Variants in ADTRP observed in about 807,000 individuals in gnomAD.
ADTRP encodes androgen-dependent TFPI-regulating protein.
In ADTRP, 20 loss-of-function variants were observed where a neutral mutation model predicts 27.0. That is an observed-to-expected ratio of 0.74 (90% CI 0.52 to 1.08). The LOEUF (loss-of-function observed/expected upper bound fraction) is 1.08. Among genes scored for constraint, ADTRP ranks in the 50% least tolerant of loss-of-function variants. The pLI is 0.00. For synonymous variants in ADTRP, 101 were observed against 105.2 expected, an observed-to-expected ratio of 0.96 and a Z score of 0.25; for missense variants, 251 against 275.0, an observed-to-expected ratio of 0.91 and a Z score of 0.62.
At chr6:11,750,078 C>G (rs558664820) in intron 3 of ADTRP, among the ~76,000 whole-genome samples, 109 of 152,286 alleles carry the variant, frequency 7.2e-4, no homozygotes, top group Admixed American at 2.2e-3. Flanking sequence ...GAAAATTGCT[C>G]AAGCAGCAGG....
chr6:11,731,822 C>T (rs1762390022), intron 4 of ADTRP, among the ~76,000 whole-genome samples: 1 of 152,162 alleles, frequency 6.6e-6, no homozygotes, highest in South Asian at 2.1e-4. Context: ...CATGGGTCAT[C>T]TCCACTTATT....
rs1483334930 is a variant in ADTRP, at chr6:11,778,726, G to A, written c.34C>T (p.Leu12Phe). 6.8e-6 allele frequency: 11 copies of A among 1,614,094 alleles called. No homozygotes were observed. Among genetic ancestry groups the A allele is most frequent in the Non-Finnish European group, 9.3e-6 (11 of 1,180,044 alleles). Reference sequence around the variant, plus strand: ...AGGAAAGTATACCAGCTCAGAACAAGGAAGTGGTATATGCATGTAGAAGTC... The same window carrying A: ...AGGAAAGTATACCAGCTCAGAACAAAGAAGTGGTATATGCATGTAGAAGTC... ...TKTSTCIYHF[L>F]VLSWYTFLNY... The change falls in exon 1 of 6, where the codon CTT (leucine) becomes TTT (phenylalanine). Residue 12 changes from leucine to phenylalanine, a missense_variant. By Grantham distance (22) the Leu-to-Phe change is conservative. Coordinates refer to ENST00000414691, the MANE Select transcript of ADTRP (RefSeq NM_032744.4).
chr6:11,737,865 C>T (rs1762597578), intron 3 of ADTRP, among the ~76,000 whole-genome samples: 1 of 152,192 alleles, frequency 6.6e-6, no homozygotes, highest in South Asian at 2.1e-4. Flanking sequence ...CCCAGGCCCC[C>T]GTCGCACCTT....
chr6:11,741,203 G>C (rs926638521), intron 3 of ADTRP, among the ~76,000 whole-genome samples: 1 of 152,124 alleles, frequency 6.6e-6, no homozygotes, highest in Non-Finnish European at 1.5e-5. Context: ...CAAGTTATAT[G>C]GCAAGGAGTA....
chr6:11,770,057 T>C (rs1261676332), intron 1 of ADTRP: 2 of 1,551,562 alleles, frequency 1.3e-6, no homozygotes, highest in Non-Finnish European at 1.7e-6. Flanking sequence ...GGCTGGTAGA[T>C]GTCAAACCCA....
At chr6:11,726,465 C>T (rs1231270436) in intron 4 of ADTRP, among the ~76,000 whole-genome samples, 2 of 152,054 alleles carry the variant, frequency 1.3e-5, no homozygotes, top group East Asian at 3.9e-4. Context: ...ATCTAGGGTG[C>T]CCCTCAGGTT....
rs77076856 is a variant in ADTRP, at chr6:11,716,414, T to C, written c.659-1902A>G. On this transcript the variant is annotated intron_variant, in intron 5 of 5. Coordinates refer to ENST00000414691, the MANE Select transcript of ADTRP (RefSeq NM_032744.4). ...GGAGGACAGCAGGTGGTTCCCTCCA[T>C]TGGATTAGAGTCCTCTGTCCAAAAC... 4.7e-3 allele frequency among the ~76,000 whole-genome samples: 721 copies of C among 152,186 alleles called. 3 individuals carry two copies. The highest frequency in any genetic ancestry group is 8.4e-3 in the Non-Finnish European group (572 of 68,006).
chr6:11,758,327 G>A (rs1763278416), intron 3 of ADTRP, among the ~76,000 whole-genome samples: 1 of 152,104 alleles, frequency 6.6e-6, no homozygotes, highest in Non-Finnish European at 1.5e-5. Flanking sequence ...TAATGCTTTG[G>A]CAGTGGAAGC....
intron 5 of ADTRP, among the ~76,000 whole-genome samples, chr6:11,715,868 A>G (rs562476311): frequency 8.4e-6 from 1 of 118,762 alleles, no homozygotes; most frequent in Non-Finnish European, 1.6e-5. Context: ...GGGTCTCACT[A>G]TGTTGCTCAG....
chr6:11,738,156 A>T (rs550785725), intron 3 of ADTRP, among the ~76,000 whole-genome samples: 2 of 152,174 alleles, frequency 1.3e-5, no homozygotes, highest in East Asian at 3.9e-4. Context: ...TATCAGTGTG[A>T]CTGTTGTCTT....
intron 3 of ADTRP, among the ~76,000 whole-genome samples, chr6:11,746,022 C>G (rs1294603016): frequency 6.6e-6 from 1 of 152,170 alleles, no homozygotes; most frequent in African/African-American, 2.4e-5. Context: ...AACTCCTGAC[C>G]TCAAGTGATC....
chr6:11,720,598 C>T lies in ADTRP; in HGVS notation c.658+2751G>A, dbSNP rs534451655. On this transcript the variant is annotated intron_variant, in intron 5 of 5. Coordinates refer to ENST00000414691, the MANE Select transcript of ADTRP (RefSeq NM_032744.4). ...GCCATTCTCCTGCCTCAGCCTCCCG[C>T]GTAGCTGGGACTACAGGCGCCCGCC... is the stretch of plus-strand genomic sequence containing the variant. Among the ~76,000 whole-genome samples the T allele has an allele frequency of 3.9e-5, 6 of 152,058 alleles. No individual in the cohort carries two copies. In the South Asian group the frequency reaches 6.2e-4, roughly 16 times the overall value.
chr6:11,741,731 A>ACC (rs1276762825), intron 3 of ADTRP, among the ~76,000 whole-genome samples: 2,117 of 151,586 alleles, frequency 0.014, 59 homozygotes, highest in African/African-American at 0.048. Flanking sequence ...TAAAAAAAAA[A>ACC]GATATGGGAT....
At chr6:11,741,909 C>G (rs1348809222) in intron 3 of ADTRP, among the ~76,000 whole-genome samples, 1 of 152,056 alleles carries the variant, frequency 6.6e-6, no homozygotes, top group African/African-American at 2.4e-5. Flanking sequence ...TCCTTTACTC[C>G]TCACACTCAA....
At chr6:11,770,300 A>T (rs1488474086) in intron 1 of ADTRP, among the ~76,000 whole-genome samples, 2 of 152,102 alleles carry the variant, frequency 1.3e-5, no homozygotes. Flanking sequence ...CTCCCAGGTG[A>T]TTCTAATCAC....
In ADTRP at chr6:11,734,326, T is replaced by C. The variant is rs560679734; in HGVS notation, c.506+1242A>G. On this transcript the variant is annotated intron_variant, in intron 4 of 5. Coordinates refer to ENST00000414691, the MANE Select transcript of ADTRP (RefSeq NM_032744.4). ...CATTGCCAAATAATCACACAACTTT[T>C]TCTTGGTAATGCCTCAGAATCCTTT... 2.0e-5 allele frequency among the ~76,000 whole-genome samples: 3 copies of C among 152,368 alleles called. No homozygotes were observed. In the South Asian group the frequency reaches 6.2e-4, roughly 32 times the overall value.
At chr6:11,715,554 C>G (rs906119673) in intron 5 of ADTRP, among the ~76,000 whole-genome samples, 1 of 152,114 alleles carries the variant, frequency 6.6e-6, no homozygotes. Flanking sequence ...CTAGACTACC[C>G]CAGTCACTTC....
chr6:11,765,046 G>T (rs1417818538), intron 3 of ADTRP, among the ~76,000 whole-genome samples: 31 of 152,066 alleles, frequency 2.0e-4, no homozygotes, highest in Admixed American at 2.0e-3. Flanking sequence ...AGGTAGTTCT[G>T]GTCCTGAACT....
chr6:11,768,461 C>A, intron 1 of ADTRP, 78 bp from the exon 2 acceptor site: 1 of 1,548,768 alleles, frequency 6.5e-7, no homozygotes, highest in South Asian at 1.2e-5. Flanking sequence ...AACTCCATCC[C>A]TCTGAGAGTA....
Sources: gnomAD v4.1 joint callset for allele counts (sites outside exome capture counted in the v4.1 genomes callset) on GRCh38, gnomAD v4.1.1 for gene constraint, MANE v1.5 for transcripts, NCBI Gene and HGNC (gene_info 2026-07-23, HGNC 2026-07-21) for gene names.